MAGI2: variants seen among roughly 807,000 people sequenced by gnomAD.
MAGI2 encodes the protein membrane associated guanylate kinase, WW and PDZ domain containing 2, also known as membrane-associated guanylate kinase, WW and PDZ domain-containing protein 2.
In MAGI2, 35 loss-of-function variants were observed where a neutral mutation model predicts 133.3. The observed-to-expected ratio is 0.26, with a 90% CI of 0.20 to 0.35. MAGI2 has a LOEUF of 0.35. Ranked by LOEUF, MAGI2 falls within the 10% of genes least tolerant of loss-of-function variation. MAGI2 has a pLI of 1.00. For synonymous variants in MAGI2, 729 were observed against 710.6 expected, an observed-to-expected ratio of 1.03 and a Z score of -0.41; for missense variants, 1,636 against 1,863.4, an observed-to-expected ratio of 0.88 and a Z score of 2.25.
chr7:78,412,749 C>T (rs1199486106), intron 6 of MAGI2, among the ~76,000 whole-genome samples: 1 of 152,036 alleles, frequency 6.6e-6, no homozygotes, highest in Non-Finnish European at 1.5e-5. Context: ...TATTTGAGAA[C>T]AGTTTGTTAC....
intron 1 of MAGI2, among the ~76,000 whole-genome samples, chr7:79,128,068 G>C (rs549911146): frequency 6.6e-6 from 1 of 151,930 alleles, no homozygotes; most frequent in Non-Finnish European, 1.5e-5. Context: ...TCCTTTCCCC[G>C]TTGCTTGTTT....
intron 1 of MAGI2, among the ~76,000 whole-genome samples, chr7:79,011,916 CCTTCCTTCCTTT>C (rs1562785270): frequency 2.9e-3 from 367 of 128,264 alleles, no homozygotes; most frequent in African/African-American, 7.7e-3. Context: ...TTCCTTCCTT[CCTTCCTTCCTTT>C]CTTTCTTTCT....
chr7:78,533,056 C>T (rs1797598789), intron 3 of MAGI2, among the ~76,000 whole-genome samples: 2 of 152,082 alleles, frequency 1.3e-5, no homozygotes, highest in Non-Finnish European at 2.9e-5. Flanking sequence ...ATTCTCCTGC[C>T]TCAGCCTCCC....
At chr7:78,622,142 G>C (rs1450011287) in intron 3 of MAGI2, among the ~76,000 whole-genome samples, 1 of 152,014 alleles carries the variant, frequency 6.6e-6, no homozygotes, top group Non-Finnish European at 1.5e-5. Flanking sequence ...AGAAGAAACA[G>C]GGTTTATGGC....
intron 1 of MAGI2, among the ~76,000 whole-genome samples, chr7:79,266,116 A>G (rs904485425): frequency 1.3e-5 from 2 of 152,024 alleles, no homozygotes; most frequent in African/African-American, 4.8e-5. Flanking sequence ...GAGCTGGAGG[A>G]TGGAGTGGCA....
At chr7:79,077,440 A>G (rs1388352234) in intron 1 of MAGI2, among the ~76,000 whole-genome samples, 1 of 151,500 alleles carries the variant, frequency 6.6e-6, no homozygotes, top group East Asian at 1.9e-4. Context: ...GGGCGCCTGT[A>G]GTCCCAGCTA....
intron 1 of MAGI2, among the ~76,000 whole-genome samples, chr7:79,257,143 TAC>T (rs1049690305): frequency 6.6e-5 from 10 of 152,194 alleles, no homozygotes; most frequent in South Asian, 2.1e-4. Flanking sequence ...GATAAATACA[TAC>T]AGTTTTATCT....
chr7:78,115,566 AAGC>A (rs1488704138), intron 20 of MAGI2, among the ~76,000 whole-genome samples: 1 of 152,214 alleles, frequency 6.6e-6, no homozygotes, highest in Non-Finnish European at 1.5e-5. Flanking sequence ...ACCAACTTTA[AAGC>A]AAAAAGCATT....
chr7:78,194,614 C>T (rs1355246616), intron 12 of MAGI2, among the ~76,000 whole-genome samples: 3 of 151,972 alleles, frequency 2.0e-5, no homozygotes, highest in Admixed American at 2.0e-4. Flanking sequence ...ACCCCCCAAC[C>T]CCCAAAAATA....
chr7:78,501,972 A>G (rs994643819), intron 4 of MAGI2, among the ~76,000 whole-genome samples, 185 bp from the exon 5 acceptor site: 2 of 152,228 alleles, frequency 1.3e-5, no homozygotes, highest in African/African-American at 4.8e-5. Context: ...CGTCATTGTC[A>G]TCTATCTTTC....
At chr7:78,878,543 G>C (rs1795601945) in intron 2 of MAGI2, among the ~76,000 whole-genome samples, 1 of 152,202 alleles carries the variant, frequency 6.6e-6, no homozygotes, top group South Asian at 2.1e-4. Flanking sequence ...TTCAATGGTA[G>C]ATATAGAAGT....
intron 1 of MAGI2, among the ~76,000 whole-genome samples, chr7:79,127,896 T>C (rs1238270590): frequency 1.3e-5 from 2 of 152,190 alleles, no homozygotes; most frequent in African/African-American, 4.8e-5. Flanking sequence ...CTGAATGGTA[T>C]TGCCTAGGTT....
chr7:78,888,626 A>T (rs1484335035), intron 2 of MAGI2, among the ~76,000 whole-genome samples: 1 of 152,228 alleles, frequency 6.6e-6, no homozygotes, highest in African/African-American at 2.4e-5. Context: ...CAGGGTCTGG[A>T]GTGGACCTCC....
At chr7:78,648,906 A>G (rs1811195834) in intron 2 of MAGI2, among the ~76,000 whole-genome samples, 1 of 152,124 alleles carries the variant, frequency 6.6e-6, no homozygotes, top group African/African-American at 2.4e-5. Context: ...ATATTTTGCT[A>G]TAGAAACTTG....
chr7:78,084,256 G>A (rs1466548161), intron 20 of MAGI2, among the ~76,000 whole-genome samples: 1 of 152,068 alleles, frequency 6.6e-6, no homozygotes, highest in Non-Finnish European at 1.5e-5. Context: ...CGATTTTTGT[G>A]GCTAATGATC....
intron 2 of MAGI2, among the ~76,000 whole-genome samples, chr7:78,871,663 A>G (rs2151522744): frequency 6.6e-6 from 1 of 152,234 alleles, no homozygotes; most frequent in South Asian, 2.1e-4. Flanking sequence ...GAAAAGCTAG[A>G]GGAAAGGATA....
intron 1 of MAGI2, among the ~76,000 whole-genome samples, chr7:79,376,363 T>C (rs1446565950): frequency 6.6e-6 from 1 of 151,960 alleles, no homozygotes; most frequent in African/African-American, 2.4e-5. Flanking sequence ...CTCATTCTAC[T>C]GTACCCAACC....
intron 2 of MAGI2, among the ~76,000 whole-genome samples, chr7:78,954,090 G>C (rs1802086929): frequency 6.6e-6 from 1 of 151,948 alleles, no homozygotes; most frequent in African/African-American, 2.4e-5. Context: ...TCAGTTTAAG[G>C]TTCGCCTTTG....
At chr7:78,566,790 C>T (rs1026862662) in intron 3 of MAGI2, among the ~76,000 whole-genome samples, 1 of 152,062 alleles carries the variant, frequency 6.6e-6, no homozygotes, top group Admixed American at 6.6e-5. Flanking sequence ...TAGTAGCTTT[C>T]CTCATTGATA....
Sources: gnomAD v4.1 joint callset for allele counts (sites outside exome capture counted in the v4.1 genomes callset) on GRCh38, gnomAD v4.1.1 for gene constraint, MANE v1.5 for transcripts, NCBI Gene and HGNC (gene_info 2026-07-23, HGNC 2026-07-21) for gene names.